Variants in PRKN observed in about 807,000 individuals in gnomAD.
The protein encoded by PRKN is E3 ubiquitin-protein ligase parkin.
A neutral mutation model predicts 59.5 loss-of-function variants in PRKN; 56 were observed. The ratio of observed to expected loss-of-function variants is 0.94; its 90% CI spans 0.76 to 1.18. PRKN has a LOEUF of 1.18. Ranked by LOEUF, PRKN falls within the 50% of genes most tolerant of loss-of-function variation. The probability of loss-of-function intolerance (pLI) is 0.00; values close to 1 mark genes in which losing one functional copy is unlikely to be tolerated. For synonymous variants in PRKN, 250 were observed against 222.1 expected, an observed-to-expected ratio of 1.13 and a Z score of -1.12; for missense variants, 657 against 596.4, an observed-to-expected ratio of 1.10 and a Z score of -1.06.
intron 6 of PRKN, among the ~76,000 whole-genome samples, chr6:161,965,774 G>C (rs760022938): frequency 2.0e-5 from 3 of 152,042 alleles, no homozygotes; most frequent in Non-Finnish European, 4.4e-5. Flanking sequence ...CACTTCCCTG[G>C]TTGACATTTG....
At chr6:161,778,775 G>A (rs1562677369) in intron 7 of PRKN, among the ~76,000 whole-genome samples, 1 of 152,102 alleles carries the variant, frequency 6.6e-6, no homozygotes, top group African/African-American at 2.4e-5. Context: ...AGTGCCCATC[G>A]TGTTGTCAGG....
At chr6:161,830,099 C>T (rs1035922136) in intron 6 of PRKN, among the ~76,000 whole-genome samples, 9 of 152,086 alleles carry the variant, frequency 5.9e-5, no homozygotes, top group South Asian at 2.1e-4. Context: ...ACTTGTAGGG[C>T]GAGGTCAGTA....
intron 5 of PRKN, among the ~76,000 whole-genome samples, chr6:162,006,362 T>C (rs952219284): frequency 2.6e-5 from 4 of 152,198 alleles, no homozygotes; most frequent in African/African-American, 9.6e-5. Context: ...CTTTCAACAA[T>C]GTCAACCAGA....
intron 4 of PRKN, among the ~76,000 whole-genome samples, chr6:162,137,654 C>G (rs1217861850): frequency 6.6e-6 from 1 of 152,106 alleles, no homozygotes; most frequent in Non-Finnish European, 1.5e-5. Flanking sequence ...TGTGTCATGA[C>G]ATAGTGAAAT....
intron 7 of PRKN, among the ~76,000 whole-genome samples, chr6:161,626,862 A>G (rs1447250783): frequency 6.6e-6 from 1 of 152,164 alleles, no homozygotes; most frequent in African/African-American, 2.4e-5. Flanking sequence ...GATAATTAAC[A>G]TGGTCACCCT....
chr6:162,428,530 A>C (rs1789353055), intron 2 of PRKN, among the ~76,000 whole-genome samples: 1 of 149,878 alleles, frequency 6.7e-6, no homozygotes, highest in South Asian at 2.2e-4. Flanking sequence ...ACAATAACCC[A>C]TTCCTCTTTT....
intron 6 of PRKN, among the ~76,000 whole-genome samples, chr6:161,884,481 C>A (rs901517417): frequency 6.6e-6 from 1 of 152,130 alleles, no homozygotes; most frequent in African/African-American, 2.4e-5. Context: ...TAATATAATT[C>A]GACTCAAGTG....
intron 5 of PRKN, among the ~76,000 whole-genome samples, chr6:162,021,179 A>C: frequency 1.7e-5 from 1 of 57,240 alleles, no homozygotes; most frequent in African/African-American, 4.6e-5. Context: ...ATATATGTGT[A>C]TATATATTAT....
At chr6:162,629,143 C>T (rs1170642177) in intron 1 of PRKN, among the ~76,000 whole-genome samples, 1 of 151,796 alleles carries the variant, frequency 6.6e-6, no homozygotes, top group East Asian at 1.9e-4. Context: ...GCCTTTCATA[C>T]ATAGATTAAA....
At chr6:162,628,575 T>C (rs1782987090) in intron 1 of PRKN, among the ~76,000 whole-genome samples, 1 of 151,892 alleles carries the variant, frequency 6.6e-6, no homozygotes. Flanking sequence ...AGACAAATCA[T>C]ATGTTCCAAC....
intron 6 of PRKN, among the ~76,000 whole-genome samples, chr6:161,901,076 C>T (rs1339965784): frequency 4.0e-5 from 6 of 151,338 alleles, no homozygotes; most frequent in African/African-American, 9.7e-5. Context: ...CCAGGACGCC[C>T]GGCTAATTTT....
intron 1 of PRKN, among the ~76,000 whole-genome samples, chr6:162,710,374 A>AAT (rs377397467): frequency 8.0e-6 from 1 of 125,242 alleles, no homozygotes; most frequent in Non-Finnish European, 1.6e-5. Flanking sequence ...ACCCCCTACA[A>AAT]ACACACACAC....
chr6:162,470,585 T>A (rs1169675039), intron 1 of PRKN, among the ~76,000 whole-genome samples: 1 of 147,848 alleles, frequency 6.8e-6, no homozygotes, highest in East Asian at 1.9e-4. Context: ...TGCGAAACTC[T>A]GTCTCAAAAA....
chr6:161,968,154 G>A (rs1780653030), intron 6 of PRKN, among the ~76,000 whole-genome samples: 1 of 150,908 alleles, frequency 6.6e-6, no homozygotes, highest in African/African-American at 2.4e-5. Context: ...CCGAGTAGCT[G>A]GGATTACAGG....
At chr6:161,802,664 G>T (rs1791138723) in intron 6 of PRKN, among the ~76,000 whole-genome samples, 1 of 152,120 alleles carries the variant, frequency 6.6e-6, no homozygotes, top group Admixed American at 6.5e-5. Flanking sequence ...TAAAACGGTG[G>T]TGACCCCACC....
chr6:162,632,083 T>A (rs1783131596), intron 1 of PRKN, among the ~76,000 whole-genome samples: 1 of 151,962 alleles, frequency 6.6e-6, no homozygotes. Flanking sequence ...CCAGCCACTG[T>A]GGAAAGCAGT....
chr6:162,260,475 G>A (rs556750843), intron 3 of PRKN, among the ~76,000 whole-genome samples: 60 of 152,138 alleles, frequency 3.9e-4, no homozygotes, highest in African/African-American at 1.4e-3. Context: ...AGTGCCTACT[G>A]GTACTTCAGA....
intron 4 of PRKN, among the ~76,000 whole-genome samples, chr6:162,128,490 A>C (rs1781210221): frequency 6.6e-6 from 1 of 152,116 alleles, no homozygotes; most frequent in African/African-American, 2.4e-5. Flanking sequence ...GGCCAAACGT[A>C]GACAGCATCT....
Position 161,502,476 on chromosome 6 carries a change from C to A in PRKN, c.1083+46378G>T, listed in dbSNP as rs551949136. The stretch of plus-strand genomic sequence containing the variant: ...CCCAGCACCCCAAGCTACTTGCCTT[C>A]CCACCCCTTCTCTTCTGAAGCAACA... On this transcript the variant is annotated intron_variant, in intron 9 of 11. Transcript: ENST00000366898. This position sits in a 1 kb window ranked among gnomAD's most constrained non-coding sequence, Gnocchi z 4.0. Among the ~76,000 whole-genome samples, 3 of 152,274 alleles carry A rather than the reference C, an allele frequency of 2.0e-5. No homozygotes were observed. The South Asian group carries it at 6.2e-4, about 32-fold the overall frequency.
Sources: allele counts gnomAD v4.1 joint callset (sites outside exome capture counted in the v4.1 genomes callset), GRCh38; gene constraint gnomAD v4.1.1; non-coding constraint Gnocchi (gnomAD v3.1); transcripts MANE v1.5; gene names NCBI Gene and HGNC (gene_info 2026-07-23, HGNC 2026-07-21).